Variants in FAM107B observed in about 807,000 individuals in gnomAD.
The protein encoded by FAM107B is protein FAM107B.
A neutral mutation model predicts 31.5 loss-of-function variants in FAM107B; 21 were observed. The ratio of observed to expected loss-of-function variants is 0.67; its 90% CI spans 0.47 to 0.96. The LOEUF is 0.96. Ranked by LOEUF, FAM107B falls within the 40% of genes least tolerant of loss-of-function variation. The pLI is 0.00. For synonymous variants in FAM107B, 157 were observed against 141.5 expected (o/e 1.11, Z -0.78); for missense variants, 452 against 377.1 (o/e 1.20, Z -1.64).
rs201053856 is a variant in FAM107B at position 14,774,329 on chromosome 10, A to G, written c.335T>C (p.Leu112Pro). Residue 112 changes from leucine to proline, a missense_variant, in exon 1 of 5, where the codon CTG (leucine) becomes CCG (proline). By Grantham distance (98) the Leu-to-Pro change is moderately conservative. Coordinates refer to ENST00000181796, the MANE Select transcript of FAM107B (RefSeq NM_031453.4). The part of the protein sequence containing the change: ...AETPEDVPGS[L>P]DDGADCEAVV... Reference sequence around the variant, plus strand: ...TGCTTCACAGTCCGCCCCATCATCCAGGGACCCGGGCACATCTTCAGGCGT... The same window carrying G: ...TGCTTCACAGTCCGCCCCATCATCCGGGGACCCGGGCACATCTTCAGGCGT... The G allele has an allele frequency of 1.1e-4, 182 of 1,614,086 alleles. No homozygotes were observed. Among genetic ancestry groups the G allele is most frequent in the Middle Eastern group, 4.9e-4 (3 of 6,084 alleles).
At chr10:14,641,219 A>G (rs940164700) in intron 2 of FAM107B, among the ~76,000 whole-genome samples, 1 of 152,222 alleles carries the variant, frequency 6.6e-6, no homozygotes, top group Non-Finnish European at 1.5e-5. Flanking sequence ...TTCCATTTCT[A>G]ACAGCTACAA....
At chr10:14,609,306 T>C (rs924776917) in intron 2 of FAM107B, among the ~76,000 whole-genome samples, 48 of 152,182 alleles carry the variant, frequency 3.2e-4, no homozygotes, top group African/African-American at 1.1e-3. Flanking sequence ...GCTGAAGGCC[T>C]CCCAAAGCCA....
At chr10:14,722,406 T>C (rs1855932117) in intron 1 of FAM107B, among the ~76,000 whole-genome samples, 1 of 152,244 alleles carries the variant, frequency 6.6e-6, no homozygotes, top group South Asian at 2.1e-4. Flanking sequence ...TATTCCATTG[T>C]ATAGATATAT....
In FAM107B at chr10:14,689,998, AAAGG is replaced by A. The variant is rs150130671; in HGVS notation, c.412-22311_412-22308del. ...AAGAAAAAAAGAAGAAAGAAAGACA[AAAGG>A]AAGGAAGGAAGGAAGGAAGGAAGGG... On this transcript the variant is annotated intron_variant, in intron 1 of 4. Coordinates refer to ENST00000181796, the MANE Select transcript of FAM107B (RefSeq NM_031453.4). 5.3e-3 allele frequency among the ~76,000 whole-genome samples: 677 copies of A among 127,450 alleles called. 9 individuals are homozygous for A. The highest frequency in any genetic ancestry group is 0.047 in the East Asian group (205 of 4,378). 83.6% of individuals were successfully genotyped at this position (127,450 alleles called of 152,430 possible). A position where few individuals can be genotyped will look rare whatever the true frequency, so the allele number is the denominator to read the frequency against.
intron 2 of FAM107B, among the ~76,000 whole-genome samples, chr10:14,610,333 A>T (rs1001283558): frequency 6.6e-6 from 1 of 151,690 alleles, no homozygotes; most frequent in Non-Finnish European, 1.5e-5. Flanking sequence ...ACAGAGCAAG[A>T]CTCCACTTCA....
At chr10:14,723,519 G>A (rs1169968254) in intron 1 of FAM107B, 3 of 618,318 alleles carry the variant, frequency 4.9e-6, no homozygotes, top group Non-Finnish European at 9.0e-6. Context: ...AAACTTCCCA[G>A]GCCAGCATAC....
chr10:14,661,648 A>G (rs1466831646), intron 2 of FAM107B: 1 of 152,198 alleles, frequency 6.6e-6, no homozygotes, highest in Non-Finnish European at 1.5e-5. Flanking sequence ...CAGCCTCCAA[A>G]ATCATGTGAG....
chr10:14,748,934 C>G (rs549303406), intron 1 of FAM107B, among the ~76,000 whole-genome samples: 1 of 152,244 alleles, frequency 6.6e-6, no homozygotes. Flanking sequence ...CTTGCTTAAG[C>G]GCCCACTGGC....
chr10:14,685,910 A>G (rs1854972972), intron 1 of FAM107B, among the ~76,000 whole-genome samples: 1 of 152,156 alleles, frequency 6.6e-6, no homozygotes, highest in African/African-American at 2.4e-5. Flanking sequence ...AGAAGCGAAG[A>G]CAAGCCTTGT....
chr10:14,760,628 A>G (rs927722803), intron 1 of FAM107B, among the ~76,000 whole-genome samples: 1 of 152,220 alleles, frequency 6.6e-6, no homozygotes, highest in Non-Finnish European at 1.5e-5. Context: ...TTTACGATCC[A>G]TCTGGTTGAG....
intron 2 of FAM107B, among the ~76,000 whole-genome samples, chr10:14,648,975 G>A (rs1853833668): frequency 6.6e-6 from 1 of 152,150 alleles, no homozygotes; most frequent in Non-Finnish European, 1.5e-5. Context: ...GTAACACAAT[G>A]GCAGTATAAA....
At position 14,528,089 on chromosome 10, in the gene FAM107B, A is replaced by T. The variant is rs576182651; in HGVS notation, c.653+2243T>A. 3.4e-5 allele frequency: 12 copies of T among 354,092 alleles called. 1 individual carries two copies. The highest frequency in any genetic ancestry group is 2.6e-4 in the South Asian group (12 of 45,914). The allele number at this position is 354,092 out of a possible 1,614,324, so 21.9% of individuals were successfully genotyped here. On this transcript the variant is annotated intron_variant, in intron 3 of 4. Coordinates refer to ENST00000181796, the MANE Select transcript of FAM107B (RefSeq NM_031453.4). The stretch of plus-strand genomic sequence containing the variant: ...AATAGGAAATTCCAGTTGTTGTCAC[A>T]TAGGAAGTGGAAGATAGATGTGACT...
chr10:14,524,550 A>C (rs1846024243), intron 3 of FAM107B, among the ~76,000 whole-genome samples: 1 of 152,202 alleles, frequency 6.6e-6, no homozygotes, highest in South Asian at 2.1e-4. Flanking sequence ...AAATATGCAC[A>C]GATTAAATCT....
chr10:14,566,878 G>A (rs2002666), intron 2 of FAM107B, among the ~76,000 whole-genome samples: 14,626 of 152,274 alleles, frequency 0.096, 742 homozygotes, highest in East Asian at 0.18. Context: ...GGGGCCGGGC[G>A]CGGTGGCTCA....
At chr10:14,580,294 A>T (rs532756685) in intron 2 of FAM107B, among the ~76,000 whole-genome samples, 2 of 152,022 alleles carry the variant, frequency 1.3e-5, no homozygotes, top group Non-Finnish European at 2.9e-5. Flanking sequence ...CAGGAGGTGG[A>T]GCTTGCAGTG....
At chr10:14,596,238 AC>A (rs1245443910) in intron 2 of FAM107B, among the ~76,000 whole-genome samples, 1 of 143,864 alleles carries the variant, frequency 7.0e-6, no homozygotes, top group East Asian at 2.3e-4. Context: ...TAAAAACACA[AC>A]CTGCTCTCCC....
intron 2 of FAM107B, among the ~76,000 whole-genome samples, chr10:14,626,049 C>A (rs182868315): frequency 3.3e-5 from 5 of 152,106 alleles, no homozygotes; most frequent in African/African-American, 4.8e-5. Context: ...TGGGTCCCCC[C>A]ACCCCGGTAC....
At chr10:14,771,393 A>G (rs1489306226) in intron 1 of FAM107B, among the ~76,000 whole-genome samples, 1 of 152,244 alleles carries the variant, frequency 6.6e-6, no homozygotes, top group Non-Finnish European at 1.5e-5. Context: ...GTTAGAAGGA[A>G]CAAATTCGAG....
Position 14,521,179 on chromosome 10 carries a change from G to A in FAM107B, c.*11C>T. 1 of 1,608,882 alleles carries A rather than the reference G, an allele frequency of 6.2e-7. No individual in the cohort carries two copies. Among genetic ancestry groups the A allele is most frequent in the Non-Finnish European group, 8.5e-7 (1 of 1,175,384 alleles). On this transcript the variant is annotated 3_prime_UTR_variant, in exon 5 of 5. Transcript: ENST00000181796. Reference sequence around the variant, plus strand: ...GTGGGGTGACACACGAGGTCTTGGTGCAGCCTCAGCCTAGGACTCCTGGGC... The same window carrying A: ...GTGGGGTGACACACGAGGTCTTGGTACAGCCTCAGCCTAGGACTCCTGGGC...
Sources: gnomAD v4.1 joint callset for allele counts (sites outside exome capture counted in the v4.1 genomes callset) on GRCh38, gnomAD v4.1.1 for gene constraint, MANE v1.5 for transcripts, NCBI Gene and HGNC (gene_info 2026-07-23, HGNC 2026-07-21) for gene names.